The following DDX39B variants were observed in gnomAD, a reference collection of about 807,000 sequenced individuals.
DDX39B encodes the protein spliceosome RNA helicase DDX39B.
A neutral mutation model predicts 46.4 loss-of-function variants in DDX39B; 6 were observed. The observed-to-expected ratio is 0.13, with a 90% CI of 0.07 to 0.26. The LOEUF (loss-of-function observed/expected upper bound fraction) is 0.26. DDX39B is among the 10% of genes least tolerant of loss of function. DDX39B has a pLI of 1.00. For missense variants in DDX39B, 185 were observed against 553.4 expected (o/e 0.33, Z 6.68); for synonymous variants, 174 against 199.4 (o/e 0.87, Z 1.07).
At position 31,535,008 on chromosome 6, in the gene DDX39B, G is replaced by A. The variant is rs1767620800; in HGVS notation, c.735+359C>T. The stretch of plus-strand genomic sequence containing the variant: ...AGCTGTACGCTCGATGCCACCTTGA[G>A]GGTGCGTGGCTGTAGGGTGCATGTA... On this transcript the variant is annotated intron_variant, in intron 6 of 10. Transcript: ENST00000396172. This position sits in a 1 kb window ranked among gnomAD's most constrained non-coding sequence, Gnocchi z 4.6. 6.1e-6 allele frequency: 2 copies of A among 328,486 alleles called. No homozygotes were observed. The highest frequency in any genetic ancestry group is 1.2e-5 in the Non-Finnish European group (2 of 170,994). The allele number at this position is 328,486 out of a possible 1,614,324, so 20.3% of individuals were successfully genotyped here. A position where few individuals can be genotyped will look rare whatever the true frequency, so the allele number is the denominator to read the frequency against.
At chr6:31,541,331 C>A in intron 1 of DDX39B, 1 of 403,874 alleles carries the variant, frequency 2.5e-6, no homozygotes, top group Non-Finnish European at 5.1e-6. Context: ...CTCCACCCTA[C>A]AATAAGAAAG....
chr6:31,541,198 C>T (rs897232589), intron 1 of DDX39B: 1 of 533,696 alleles, frequency 1.9e-6, no homozygotes, highest in African/African-American at 1.9e-5. Context: ...CCTCCCATAG[C>T]TCTCAGCCTC....
intron 4 of DDX39B, among the ~76,000 whole-genome samples, chr6:31,537,305 T>C (rs753352113): frequency 4.6e-5 from 7 of 151,162 alleles, no homozygotes; most frequent in Non-Finnish European, 1.0e-4. Flanking sequence ...AAACAAAAAA[T>C]ACAAAATTTA....
At chr6:31,537,117 G>A (rs1178058642) in intron 4 of DDX39B, among the ~76,000 whole-genome samples, 1 of 151,674 alleles carries the variant, frequency 6.6e-6, no homozygotes, top group Admixed American at 6.6e-5. Context: ...ATCTCAAAAA[G>A]AAATAAAATA....
chr6:31,536,975 C>T lies in DDX39B; in HGVS notation c.433-292G>A, dbSNP rs72847235. ...AGGCTTCATTTAAAAAATAAAGGAGCCAGGTGTGGTGGCACACGCCTATAA... is the reference window on the plus strand; with the variant it reads ...AGGCTTCATTTAAAAAATAAAGGAGTCAGGTGTGGTGGCACACGCCTATAA... On this transcript the variant is annotated intron_variant, in intron 4 of 10. Coordinates refer to ENST00000396172, the MANE Select transcript of DDX39B (RefSeq NM_004640.7). 4.8e-3 allele frequency among the ~76,000 whole-genome samples: 734 copies of T among 152,224 alleles called. 4 individuals are homozygous for T. The highest frequency in any genetic ancestry group is 0.01 in the Middle Eastern group (3 of 294).
At position 31,534,602 on chromosome 6, in the gene DDX39B, C is replaced by A; in HGVS notation, c.735+765G>T. 2.3e-6 allele frequency: 1 copy of A among 429,198 alleles called. No individual in the cohort carries two copies. Among genetic ancestry groups the A allele is most frequent in the Non-Finnish European group, 4.7e-6 (1 of 212,444 alleles). The allele number at this position is 429,198 out of a possible 1,614,324, so 26.6% of individuals were successfully genotyped here. On this transcript the variant is annotated intron_variant, in intron 6 of 10. Coordinates refer to ENST00000396172, the MANE Select transcript of DDX39B (RefSeq NM_004640.7). The surrounding 1 kb of genome is among the most constrained non-coding windows in gnomAD (Gnocchi z 5.1). ...CCAACACATATTGGGGGAAACGGGG[C>A]ACGGCACGCGTTGGGTTCAGGAAAA...
chr6:31,538,646 C>CT (rs1481896836), intron 4 of DDX39B, 117 bp downstream of exon 4: 1 of 927,196 alleles, frequency 1.1e-6, no homozygotes, highest in Non-Finnish European at 1.6e-6. Context: ...ACTCAACACT[C>CT]TGTTACACCA....
intron 6 of DDX39B, 65 bp from the exon 7 acceptor site, chr6:31,532,976 G>C: frequency 3.8e-6 from 1 of 260,378 alleles, no homozygotes; most frequent in Non-Finnish European, 7.6e-6. Context: ...ACCTGGGGGG[G>C]TGGAGGAAGT....
At position 31,534,556 on chromosome 6, in the gene DDX39B, C is replaced by A; in HGVS notation, c.735+811G>T. 2.1e-6 allele frequency: 1 copy of A among 468,654 alleles called. No individual in the cohort carries two copies. The highest frequency in any genetic ancestry group is 1.6e-5 in the South Asian group (1 of 64,126). 29.0% of individuals were successfully genotyped at this position (468,654 alleles called of 1,614,324 possible). A position where few individuals can be genotyped will look rare whatever the true frequency, so the allele number is the denominator to read the frequency against. On this transcript the variant is annotated intron_variant, in intron 6 of 10. Transcript: ENST00000396172. The surrounding 1 kb of genome is among the most constrained non-coding windows in gnomAD (Gnocchi z 5.1). ...TTTTTTTAAGAAAAAAAATCTACCA[C>A]CCCATTCAGGACACCCCTCCCCAAC...
At chr6:31,541,261 C>CA (rs1562428489) in intron 1 of DDX39B, 2 of 527,812 alleles carry the variant, frequency 3.8e-6, no homozygotes, top group African/African-American at 3.9e-5. Context: ...GTGTAATTAG[C>CA]ATGGGGGGGA....
Position 31,536,572 on chromosome 6 carries a change from T to C in DDX39B, c.544A>G (p.Asn182Asp). 5 of 1,613,222 alleles carry C rather than the reference T, an allele frequency of 3.1e-6. No homozygotes were observed. The highest frequency in any genetic ancestry group is 4.2e-6 in the Non-Finnish European group (5 of 1,180,032). The change falls in exon 5 of 11, where the codon AAT (asparagine) becomes GAT (aspartate). Residue 182 changes from asparagine (N) to aspartate (D), a missense_variant. Coordinates refer to ENST00000396172, the MANE Select transcript of DDX39B (RefSeq NM_004640.7). ...TPGRILALARNKSLNLKHIKH... is the reference protein window; with the variant it reads ...TPGRILALARDKSLNLKHIKH... ...ATGTGTTTGAGGTTGAGGCTCTTAT[T>C]TCGAGCCAGGGCTAGGATACGGCCT...
chr6:31,531,038 G>C lies in DDX39B; in HGVS notation c.1122+15C>G. On this transcript the variant is annotated intron_variant, in intron 9 of 10. Coordinates refer to ENST00000396172, the MANE Select transcript of DDX39B (RefSeq NM_004640.7). This position sits in a 1 kb window ranked among gnomAD's most constrained non-coding sequence, Gnocchi z 5.8. ...GGAATGGGAGAGTGGGATTTTTTCA[G>C]CCTGTGAGGTTTACCCGATGCAGGT... 1 of 1,613,998 alleles carries C rather than the reference G, an allele frequency of 6.2e-7. No individual in the cohort carries two copies. Among genetic ancestry groups the C allele is most frequent in the African/African-American group, 1.3e-5 (1 of 75,010 alleles).
At chr6:31,541,428 G>C in intron 1 of DDX39B, 1 of 370,370 alleles carries the variant, frequency 2.7e-6, no homozygotes, top group Non-Finnish European at 5.5e-6. Flanking sequence ...ACGCTACGAA[G>C]GTGAGACTCC....
chr6:31,539,600 A>G (rs890204134), intron 2 of DDX39B, among the ~76,000 whole-genome samples: 7 of 152,294 alleles, frequency 4.6e-5, no homozygotes, highest in African/African-American at 1.7e-4. Flanking sequence ...AATTCATGAC[A>G]TTTGAATACC....
chr6:31,533,813 T>C (rs1767459220), intron 6 of DDX39B: 1 of 152,038 alleles, frequency 6.6e-6, no homozygotes, highest in South Asian at 2.1e-4. Flanking sequence ...CATTCATCTT[T>C]AAAATTAAAA....
At chr6:31,541,038 G>A in intron 1 of DDX39B, 1 of 512,006 alleles carries the variant, frequency 2.0e-6, no homozygotes, top group Non-Finnish European at 4.0e-6. Flanking sequence ...GTCCTGAAAA[G>A]TCCTCAAAGG....
At chr6:31,541,122 G>A (rs1232772517) in intron 1 of DDX39B, 1 of 533,568 alleles carries the variant, frequency 1.9e-6, no homozygotes, top group African/African-American at 1.9e-5. Flanking sequence ...AAGGGTGATA[G>A]ATGAGGGTCA....
intron 1 of DDX39B, chr6:31,541,136 C>T (rs760935679): frequency 2.6e-5 from 14 of 533,716 alleles, no homozygotes; most frequent in South Asian, 2.0e-4. Context: ...AGGGTCATCA[C>T]TGCGCAAAGC....
intron 1 of DDX39B, 87 bp downstream of exon 1, chr6:31,541,863 T>A (rs1475101480): frequency 1.6e-6 from 1 of 636,164 alleles, no homozygotes; most frequent in Non-Finnish European, 2.9e-6. Context: ...GACCATCGCC[T>A]GTGAAAAGGG....
Sources: allele counts gnomAD v4.1 joint callset (sites outside exome capture counted in the v4.1 genomes callset), GRCh38; gene constraint gnomAD v4.1.1; non-coding constraint Gnocchi (gnomAD v3.1); transcripts MANE v1.5; gene names NCBI Gene and HGNC (gene_info 2026-07-23, HGNC 2026-07-21).